The following EPHB4 variants were observed in gnomAD, a reference collection of about 807,000 sequenced individuals.
The protein encoded by EPHB4 is EPH receptor B4, also known as ephrin type-B receptor 4.
EPHB4 carries 50 observed loss-of-function variants against 110.6 expected under a neutral mutation model. The observed-to-expected ratio is 0.45, with a 90% CI of 0.36 to 0.57. The LOEUF (loss-of-function observed/expected upper bound fraction) is 0.57. Ranked by LOEUF, EPHB4 falls within the 20% of genes least tolerant of loss-of-function variation. The pLI is 0.00. For synonymous variants in EPHB4, 592 were observed against 578.4 expected (o/e 1.02, Z -0.34); for missense variants, 1,128 against 1,382.1 (o/e 0.82, Z 2.91).
At chr7:100,824,378 T>G in intron 1 of EPHB4, 105 bp from the exon 2 acceptor site, 2 of 1,239,324 alleles carry the variant, frequency 1.6e-6, no homozygotes, top group Non-Finnish European at 2.3e-6. Flanking sequence ...AGCTCTGAGC[T>G]AGAGGAGTTG....
At position 100,803,559 on chromosome 7, in the gene EPHB4, C is replaced by T; in HGVS notation, c.2866G>A (p.Gly956Arg). 6.2e-7 allele frequency: 1 copy of T among 1,605,456 alleles called. No individual in the cohort carries two copies. The highest frequency in any genetic ancestry group is 8.5e-7 in the Non-Finnish European group (1 of 1,175,338). ...DLLRIGVTLA[G>R]HQKKILASVQ... ...CTGGCCAAGATTTTCTTCTGGTGTC[C>T]CGCCAGAGTGACTCCGATTCGGAGC... The change falls in exon 17 of 17, where the codon GGA becomes AGA. Residue 956 changes from glycine (G) to arginine (R), a missense_variant. Gly to Arg is a moderately radical substitution (Grantham distance 125). This residue lies in a region of EPHB4 where 209 missense variants were observed against 240.5 expected (regional missense o/e 0.87). Transcript: ENST00000358173.
chr7:100,825,279 G>C (rs1049772524), intron 1 of EPHB4: 7 of 152,194 alleles, frequency 4.6e-5, no homozygotes, highest in South Asian at 2.1e-4. Flanking sequence ...CCTGAGGTGA[G>C]AGGCGCAAGG....
chr7:100,820,404 G>A, intron 4 of EPHB4, 108 bp from the exon 5 acceptor site: 1 of 1,405,102 alleles, frequency 7.1e-7, no homozygotes, highest in Non-Finnish European at 9.4e-7. Flanking sequence ...GCTGAGGCTG[G>A]AGGATCGCTT....
chr7:100,812,968 G>T lies in EPHB4; in HGVS notation c.1897C>A (p.Arg633=), dbSNP rs779267690. 3 of 1,613,590 alleles carry T rather than the reference G, an allele frequency of 1.9e-6. No individual in the cohort carries two copies. In the African/African-American group the frequency reaches 4.0e-5, roughly 22 times the overall value. Residue 633 remains arginine, a synonymous_variant, in exon 12 of 17, where the codon CGG becomes AGG. Transcript: ENST00000358173. ...TCCTTCTTCCCTGGGGCCTTGAGCC[G>T]CCCCCGGCACACCTCGCCAAACTCA... The part of the protein sequence containing the change: ...AGEFGEVCRG[R]LKAPGKKESC...
rs202087271 is a variant in EPHB4 at position 100,823,408 on chromosome 7, TGGA to T, written c.411+233_411+235del. On this transcript the variant is annotated intron_variant, in intron 3 of 16. Coordinates refer to ENST00000358173, the MANE Select transcript of EPHB4 (RefSeq NM_004444.5). ...AGTGGGGTAGGGTGGTTGAGGTGAC[TGGA>T]GGAGAAGCCTGACCCTTGGGCCTCC... Among the ~76,000 whole-genome samples the T allele has an allele frequency of 8.9e-3, 1,360 of 152,250 alleles. 29 individuals carry two copies. The highest frequency in any genetic ancestry group is 0.031 in the African/African-American group (1,290 of 41,532).
intron 8 of EPHB4, among the ~76,000 whole-genome samples, chr7:100,814,374 GT>G (rs952637649): frequency 6.6e-6 from 1 of 152,148 alleles, no homozygotes; most frequent in African/African-American, 2.4e-5. Flanking sequence ...CGCCTCCCGG[GT>G]TCTGCGATTC....
chr7:100,803,625 G>A, intron 16 of EPHB4, 35 bp from the exon 17 acceptor site: 2 of 1,561,274 alleles, frequency 1.3e-6, no homozygotes, highest in South Asian at 2.4e-5. Flanking sequence ...TGAGACCCTA[G>A]GTTCCCTGTG....
At chr7:100,818,943 C>G (rs537105134) in intron 6 of EPHB4, among the ~76,000 whole-genome samples, 1 of 152,070 alleles carries the variant, frequency 6.6e-6, no homozygotes, top group African/African-American at 2.4e-5. Flanking sequence ...ATCAGCCTGG[C>G]CATGTCCCTT....
chr7:100,809,430 T>C (rs1812882574), intron 12 of EPHB4, among the ~76,000 whole-genome samples: 1 of 152,034 alleles, frequency 6.6e-6, no homozygotes, highest in Admixed American at 6.6e-5. Flanking sequence ...ACTACTCTCC[T>C]GCCAAAGCCC....
In EPHB4 at chr7:100,817,289, C is replaced by T; in HGVS notation, c.1491G>A (p.Leu497=). 1.3e-6 allele frequency: 2 copies of T among 1,596,924 alleles called. No homozygotes were observed. The highest frequency in any genetic ancestry group is 2.3e-5 in the South Asian group (2 of 88,164). The stretch of plus-strand genomic sequence containing the variant: ...GCACCAGGTAGCTGGCTCCCCGCTT[C>T]AGCCCCCGCAGCTCTGCCCGGTTTT... ...TSENRAELRG[L]KRGASYLVQV... Residue 497 remains leucine (L), a synonymous_variant, in exon 8 of 17, where the codon CTG becomes CTA. Coordinates refer to ENST00000358173, the MANE Select transcript of EPHB4 (RefSeq NM_004444.5).
In EPHB4 at chr7:100,826,993, G is replaced by A; in HGVS notation, c.38C>T (p.Ala13Val). 1.3e-6 allele frequency: 2 copies of A among 1,573,290 alleles called. No individual in the cohort carries two copies. Among genetic ancestry groups the A allele is most frequent in the Non-Finnish European group, 1.7e-6 (2 of 1,158,530 alleles). Residue 13 changes from alanine to valine, a missense_variant, in exon 1 of 17, where the codon GCC becomes GTC. Transcript: ENST00000358173. ...LRVLLCWASLAAALEETLLNT... is the reference protein window; with the variant it reads ...LRVLLCWASLVAALEETLLNT... ...AGGAAACTCACCTTCCAAAGCTGCG[G>A]CCAACGAAGCCCAGCAGAGCAGCAC... is the stretch of plus-strand genomic sequence containing the variant.
rs1289661813 is a variant in EPHB4, at chr7:100,807,769, T to C, written c.2119-189A>G. Among the ~76,000 whole-genome samples, 12 of 151,922 alleles carry C rather than the reference T, an allele frequency of 7.9e-5. No individual in the cohort carries two copies. In the East Asian group the frequency reaches 1.9e-3, roughly 25 times the overall value. ...CAAGCCTCCTGAGTAGCTGGAACAA[T>C]AGGCATGTGCCATTATGCCTGGATA... On this transcript the variant is annotated intron_variant, in intron 12 of 16. Transcript: ENST00000358173.
intron 1 of EPHB4, chr7:100,825,596 T>G (rs998816058): frequency 1.3e-5 from 2 of 152,380 alleles, no homozygotes; most frequent in African/African-American, 4.8e-5. Context: ...CTATCTCTCC[T>G]TCGCTTTCGG....
chr7:100,822,150 G>A lies in EPHB4; in HGVS notation c.808+121C>T, dbSNP rs1358097113. ...CCACTGCACTCCAGCCTGGGTGACA[G>A]AGCAAGCCTCCATTTCAACATCTAA... is the stretch of plus-strand genomic sequence containing the variant. On this transcript the variant is annotated intron_variant, in intron 4 of 16. Coordinates refer to ENST00000358173, the MANE Select transcript of EPHB4 (RefSeq NM_004444.5). The surrounding 1 kb of genome is among the most constrained non-coding windows in gnomAD (Gnocchi z 4.7). 2.1e-5 allele frequency: 28 copies of A among 1,365,424 alleles called. No homozygotes were observed. Among genetic ancestry groups the A allele is most frequent in the South Asian group, 3.0e-5 (2 of 67,192 alleles). The allele number at this position is 1,365,424 out of a possible 1,614,324, so 84.6% of individuals were successfully genotyped here.
At chr7:100,821,950 CAGG>C (rs1186013956) in intron 4 of EPHB4, among the ~76,000 whole-genome samples, 1 of 152,076 alleles carries the variant, frequency 6.6e-6, no homozygotes, top group Non-Finnish European at 1.5e-5. Flanking sequence ...CACTTCAGGT[CAGG>C]AGTTCGAGAC....
At chr7:100,820,084 A>G in intron 5 of EPHB4, 57 bp downstream of exon 5, 1 of 1,580,030 alleles carries the variant, frequency 6.3e-7, no homozygotes, top group Non-Finnish European at 8.6e-7. Context: ...GTGAGGGTCC[A>G]CCTCAGAGGT....
chr7:100,824,885 C>T (rs992007058), intron 1 of EPHB4: 8 of 152,646 alleles, frequency 5.2e-5, no homozygotes, highest in East Asian at 3.9e-4. Flanking sequence ...CCCAGGCTCC[C>T]GCCGAGGCCT....
In EPHB4 at chr7:100,813,079, AG is replaced by A. The variant is rs2116432477; in HGVS notation, c.1870+15del. 6.2e-7 allele frequency: 1 copy of A among 1,613,430 alleles called. No homozygotes were observed. Among genetic ancestry groups the A allele is most frequent in the Non-Finnish European group, 8.5e-7 (1 of 1,179,914 alleles). On this transcript the variant is annotated intron_variant, in intron 11 of 16. Coordinates refer to ENST00000358173, the MANE Select transcript of EPHB4 (RefSeq NM_004444.5). ...CCGCTTCGTTCCCAGGTGCCCGGGCAGCCTTCGGCTCTCACCTGCACCAATC... is the reference window on the plus strand; with the variant it reads ...CCGCTTCGTTCCCAGGTGCCCGGGCACCTTCGGCTCTCACCTGCACCAATC...
chr7:100,809,163 G>C (rs890617706), intron 12 of EPHB4, among the ~76,000 whole-genome samples: 1 of 152,158 alleles, frequency 6.6e-6, no homozygotes, highest in Non-Finnish European at 1.5e-5. Flanking sequence ...CTGGAGTAAA[G>C]TGGCGTGATC....
Sources: allele counts gnomAD v4.1 joint callset (sites outside exome capture counted in the v4.1 genomes callset), GRCh38; gene constraint gnomAD v4.1.1; regional missense constraint gnomAD v4.1.1; non-coding constraint Gnocchi (gnomAD v3.1); transcripts MANE v1.5; gene names NCBI Gene and HGNC (gene_info 2026-07-23, HGNC 2026-07-21).